Variants in SGCD observed in about 807,000 individuals in gnomAD.
SGCD encodes the protein sarcoglycan delta, also known as delta-sarcoglycan.
SGCD carries 18 observed loss-of-function variants against 36.6 expected under a neutral mutation model. The observed-to-expected ratio is 0.49, with a 90% CI of 0.34 to 0.73. SGCD has a LOEUF of 0.73. SGCD is among the 30% of genes least tolerant of loss of function. SGCD has a pLI of 0.01. For synonymous variants in SGCD, 133 were observed against 130.6 expected (o/e 1.02, Z -0.12); for missense variants, 387 against 346.7 (o/e 1.12, Z -0.92).
At chr5:156,016,270 C>G (rs956039034) in intron 1 of SGCD, among the ~76,000 whole-genome samples, 18 of 151,970 alleles carry the variant, frequency 1.2e-4, no homozygotes, top group Admixed American at 1.0e-3. Flanking sequence ...TGAAGATATT[C>G]AAAGTATTGT....
intron 4 of SGCD, among the ~76,000 whole-genome samples, chr5:156,515,714 A>G (rs1757129654): frequency 6.6e-6 from 1 of 152,180 alleles, no homozygotes; most frequent in African/African-American, 2.4e-5. Flanking sequence ...AGCTGTGCAG[A>G]CTCTCAGCAG....
intron 1 of SGCD, among the ~76,000 whole-genome samples, chr5:155,939,486 A>T (rs1051897593): frequency 6.6e-6 from 1 of 151,806 alleles, no homozygotes; most frequent in Non-Finnish European, 1.5e-5. Context: ...ACTAAAAAAA[A>T]TACAAAAATT....
chr5:156,116,711 T>G (rs2127601216), intron 1 of SGCD, among the ~76,000 whole-genome samples: 1 of 152,266 alleles, frequency 6.6e-6, no homozygotes, highest in Non-Finnish European at 1.5e-5. Context: ...CACAAGTTAC[T>G]TTAACACTCC....
Position 156,681,070 on chromosome 5 carries a change from C to T in SGCD, c.575+33534C>T, listed in dbSNP as rs539702888. Among the ~76,000 whole-genome samples, 10 of 152,310 alleles carry T rather than the reference C, an allele frequency of 6.6e-5. No individual in the cohort carries two copies. In the South Asian group the frequency reaches 8.3e-4, roughly 13 times the overall value. On this transcript the variant is annotated intron_variant, in intron 7 of 8. Coordinates refer to ENST00000337851, the MANE Select transcript of SGCD (RefSeq NM_000337.6). ...AAGCATGGTATAGCCAAAGGTCATT[C>T]AACTCTGCCATCTGCGGAGGGCCAA...
chr5:156,491,607 A>C (rs570378611), intron 3 of SGCD, among the ~76,000 whole-genome samples: 1 of 152,276 alleles, frequency 6.6e-6, no homozygotes, highest in Admixed American at 6.5e-5. Context: ...TATCAATGAA[A>C]ATTTTTTAAA....
chr5:156,209,369 T>G (rs1764376262), intron 3 of SGCD, among the ~76,000 whole-genome samples: 1 of 152,172 alleles, frequency 6.6e-6, no homozygotes, highest in Admixed American at 6.5e-5. Context: ...GGATACAGGC[T>G]TGATGCCAAC....
intron 3 of SGCD, among the ~76,000 whole-genome samples, chr5:156,129,001 T>A (rs1762246710): frequency 6.6e-6 from 1 of 152,172 alleles, no homozygotes; most frequent in Non-Finnish European, 1.5e-5. Flanking sequence ...AATTAGAGAA[T>A]AGTCAGAACT....
At chr5:156,668,687 G>T (rs1753161753) in intron 7 of SGCD, among the ~76,000 whole-genome samples, 1 of 152,196 alleles carries the variant, frequency 6.6e-6, no homozygotes, top group African/African-American at 2.4e-5. Context: ...AATGAGGCAA[G>T]GATATAGGGA....
At chr5:156,595,124 A>G (rs1208468016) in intron 6 of SGCD, 73 bp downstream of exon 6, 5 of 1,505,872 alleles carry the variant, frequency 3.3e-6, no homozygotes, top group Non-Finnish European at 4.5e-6. Context: ...AAATGGTGTT[A>G]TGAACAGGAT....
the SGCD span, among the ~76,000 whole-genome samples, chr5:155,831,551 T>C: frequency 6.6e-6 from 1 of 152,248 alleles, no homozygotes; most frequent in Admixed American, 6.5e-5. Context: ...ATGCAATTGC[T>C]TTGTGCCTTC....
intron 1 of SGCD, among the ~76,000 whole-genome samples, chr5:155,872,422 G>A (rs537324640): frequency 1.3e-5 from 2 of 151,470 alleles, no homozygotes; most frequent in Non-Finnish European, 2.9e-5. Context: ...TGAAATTTTT[G>A]AAATCGTGCC....
rs576976284 is a variant in SGCD at position 156,456,796 on chromosome 5, A to G, written c.193-51805A>G. On this transcript the variant is annotated intron_variant, in intron 3 of 8. Transcript: ENST00000337851. ...TGTTTTAAGGCCACAAGTTGTAGGTATTTTGTTACAGGAGCCTTAAGAATC... is the reference window on the plus strand; with the variant it reads ...TGTTTTAAGGCCACAAGTTGTAGGTGTTTTGTTACAGGAGCCTTAAGAATC... 2.0e-5 allele frequency among the ~76,000 whole-genome samples: 3 copies of G among 152,268 alleles called. No individual in the cohort carries two copies. The South Asian group carries it at 6.2e-4, about 32-fold the overall frequency.
intron 3 of SGCD, among the ~76,000 whole-genome samples, chr5:156,419,859 T>G (rs896998965): frequency 6.6e-6 from 1 of 151,928 alleles, no homozygotes; most frequent in African/African-American, 2.4e-5. Flanking sequence ...CCAAGGTGAG[T>G]GTGTGTCTGT....
rs191254312 is a variant in SGCD at position 156,580,878 on chromosome 5, C to T, written c.295-8353C>T. Reference sequence around the variant, plus strand: ...TATAGCTCGGAGATGTTTGTTATTACCAACCTTCTGAAGCCTACTTCTGTC... The same window carrying T: ...TATAGCTCGGAGATGTTTGTTATTATCAACCTTCTGAAGCCTACTTCTGTC... On this transcript the variant is annotated intron_variant, in intron 4 of 8. Coordinates refer to ENST00000337851, the MANE Select transcript of SGCD (RefSeq NM_000337.6). Among the ~76,000 whole-genome samples, 58 of 152,206 alleles carry T rather than the reference C, an allele frequency of 3.8e-4. No individual in the cohort carries two copies. In the East Asian group the frequency reaches 0.011, roughly 28 times the overall value.
At chr5:155,955,410 G>A (rs1377778626) in intron 1 of SGCD, among the ~76,000 whole-genome samples, 3 of 152,206 alleles carry the variant, frequency 2.0e-5, no homozygotes, top group South Asian at 4.1e-4. Flanking sequence ...ACTAGGGTTG[G>A]CTTATAGTTA....
intron 3 of SGCD, among the ~76,000 whole-genome samples, chr5:156,161,470 A>G (rs1561544988): frequency 6.6e-6 from 1 of 151,900 alleles, no homozygotes; most frequent in Non-Finnish European, 1.5e-5. Context: ...GTTTGCCCTT[A>G]GAGCAAATCC....
intron 4 of SGCD, among the ~76,000 whole-genome samples, chr5:156,533,904 A>G (rs527664527): frequency 7.2e-5 from 11 of 152,326 alleles, no homozygotes; most frequent in African/African-American, 2.6e-4. Context: ...CTCAGAGTAT[A>G]CTTAAAAGCC....
At chr5:156,423,491 T>G (rs1207214460) in intron 3 of SGCD, among the ~76,000 whole-genome samples, 1 of 128,456 alleles carries the variant, frequency 7.8e-6, no homozygotes, top group African/African-American at 2.8e-5. Flanking sequence ...AATATTAAAT[T>G]GGCAAAGGGT....
chr5:155,868,415 A>G (rs1266586322), upstream of SGCD, among the ~76,000 whole-genome samples: 2 of 141,898 alleles, frequency 1.4e-5, no homozygotes, highest in South Asian at 2.2e-4. Context: ...CCAGGGTGCC[A>G]GACTGGTCTA....
Sources: allele counts gnomAD v4.1 joint callset (sites outside exome capture counted in the v4.1 genomes callset), GRCh38; gene constraint gnomAD v4.1.1; transcripts MANE v1.5; gene names NCBI Gene and HGNC (gene_info 2026-07-23, HGNC 2026-07-21).